The following ADAMTS19 variants were observed in gnomAD, a reference collection of about 807,000 sequenced individuals.
ADAMTS19 encodes the protein ADAM metallopeptidase with thrombospondin type 1 motif 19, also known as A disintegrin and metalloproteinase with thrombospondin motifs 19.
Under a neutral mutation model 153.3 loss-of-function variants are expected in ADAMTS19, and 93 were observed. That is an observed-to-expected ratio of 0.61 (90% CI 0.51 to 0.72). The LOEUF (loss-of-function observed/expected upper bound fraction) is 0.72. ADAMTS19 is among the 30% of genes least tolerant of loss of function. ADAMTS19 has a pLI of 0.00. For synonymous variants in ADAMTS19, 600 were observed against 556.6 expected, an observed-to-expected ratio of 1.08 and a Z score of -1.10; for missense variants, 1,482 against 1,552.1, an observed-to-expected ratio of 0.95 and a Z score of 0.76.
At chr5:129,460,769 G>A in intron 1 of ADAMTS19, 4 of 558,458 alleles carry the variant, frequency 7.2e-6, no homozygotes, top group Non-Finnish European at 9.5e-6. Context: ...TACCTAAGTT[G>A]ATAGCAACGC....
At position 129,578,101 on chromosome 5, in the gene ADAMTS19, T is replaced by TAC. The variant is rs1395616213; in HGVS notation, c.1373-18456_1373-18455dup. ...ACACATATATACATATACATACATA[T>TAC]ACATATGCATGTATATGTACGTATA... On this transcript the variant is annotated intron_variant, in intron 7 of 22. Coordinates refer to ENST00000274487, the MANE Select transcript of ADAMTS19 (RefSeq NM_133638.6). Among the ~76,000 whole-genome samples the TAC allele has an allele frequency of 1.2e-4, 16 of 133,590 alleles. 1 individual carries two copies. The highest frequency in any genetic ancestry group is 7.4e-4 in the Admixed American group (10 of 13,436). The allele number at this position is 133,590 out of a possible 152,430, so 87.6% of individuals were successfully genotyped here. A position where few individuals can be genotyped will look rare whatever the true frequency, so the allele number is the denominator to read the frequency against.
intron 7 of ADAMTS19, among the ~76,000 whole-genome samples, chr5:129,571,401 G>C (rs978168289): frequency 6.6e-6 from 1 of 151,610 alleles, no homozygotes; most frequent in Non-Finnish European, 1.5e-5. Context: ...GTGTTTCTGT[G>C]TGAGTATATG....
At chr5:129,513,597 T>C (rs1198253020) in intron 3 of ADAMTS19, among the ~76,000 whole-genome samples, 2 of 152,140 alleles carry the variant, frequency 1.3e-5, no homozygotes, top group African/African-American at 4.8e-5. Context: ...ATGTTTTCTA[T>C]AATCCTTTGA....
intron 7 of ADAMTS19, among the ~76,000 whole-genome samples, chr5:129,577,704 G>GT (rs1430223426): frequency 2.0e-5 from 3 of 152,092 alleles, no homozygotes; most frequent in Non-Finnish European, 4.4e-5. Context: ...TTGAATTAAT[G>GT]AACGATTACA....
chr5:129,701,163 C>T (rs966307346), intron 19 of ADAMTS19, among the ~76,000 whole-genome samples: 4 of 150,122 alleles, frequency 2.7e-5, no homozygotes, highest in African/African-American at 4.9e-5. Flanking sequence ...CCTGCACACA[C>T]CCTCTCTTGC....
chr5:129,645,645 A>C (rs1341160257), intron 11 of ADAMTS19, among the ~76,000 whole-genome samples: 1 of 152,122 alleles, frequency 6.6e-6, no homozygotes, highest in African/African-American at 2.4e-5. Flanking sequence ...AGAATATTTT[A>C]GTCTGTTATG....
chr5:129,680,631 G>A (rs1368353110), intron 17 of ADAMTS19, among the ~76,000 whole-genome samples: 3 of 151,962 alleles, frequency 2.0e-5, no homozygotes, highest in South Asian at 2.1e-4. Flanking sequence ...GCATGGTGAC[G>A]CATGCCTGTA....
chr5:129,659,687 C>A (rs1035461652), intron 15 of ADAMTS19, among the ~76,000 whole-genome samples: 2 of 152,002 alleles, frequency 1.3e-5, no homozygotes, highest in Non-Finnish European at 2.9e-5. Context: ...CTCAAACAAT[C>A]CCCCCAACTC....
chr5:129,556,810 C>G (rs1753330348), intron 7 of ADAMTS19, among the ~76,000 whole-genome samples: 1 of 152,060 alleles, frequency 6.6e-6, no homozygotes, highest in African/African-American at 2.4e-5. Context: ...CTAGAACATG[C>G]AAAAACAAGG....
rs114276011 is a variant in ADAMTS19 at position 129,466,662 on chromosome 5, G to A, written c.747+4905G>A. Among the ~76,000 whole-genome samples, 1,055 of 152,260 alleles carry A rather than the reference G, an allele frequency of 6.9e-3. 12 individuals are homozygous for A. The highest frequency in any genetic ancestry group is 0.024 in the African/African-American group (997 of 41,550). On this transcript the variant is annotated intron_variant, in intron 2 of 22. Coordinates refer to ENST00000274487, the MANE Select transcript of ADAMTS19 (RefSeq NM_133638.6). Reference sequence around the variant, plus strand: ...AATAATAAAATAGTTGTAAGCCATTGATTAATAGGTCTAGATCAAATATTT... The same window carrying A: ...AATAATAAAATAGTTGTAAGCCATTAATTAATAGGTCTAGATCAAATATTT...
intron 18 of ADAMTS19, among the ~76,000 whole-genome samples, chr5:129,690,541 T>TA (rs954007610): frequency 6.6e-6 from 1 of 152,050 alleles, no homozygotes; most frequent in Non-Finnish European, 1.5e-5. Flanking sequence ...TTCATTAAAA[T>TA]AAAAAAATGA....
At chr5:129,602,508 T>A (rs1269976150) in intron 8 of ADAMTS19, among the ~76,000 whole-genome samples, 1 of 152,238 alleles carries the variant, frequency 6.6e-6, no homozygotes, top group Non-Finnish European at 1.5e-5. Context: ...TGTATTCATA[T>A]CTAATTCAAC....
intron 6 of ADAMTS19, among the ~76,000 whole-genome samples, chr5:129,546,108 T>TCATC (rs1388801956): frequency 3.4e-5 from 5 of 148,386 alleles, no homozygotes; most frequent in Admixed American, 1.3e-4. Context: ...AAATTGGAAA[T>TCATC]CATCATTCTC....
chr5:129,634,055 T>C (rs550992654), intron 10 of ADAMTS19, among the ~76,000 whole-genome samples: 18 of 152,258 alleles, frequency 1.2e-4, no homozygotes, highest in African/African-American at 4.3e-4. Flanking sequence ...GTTTTTCCAG[T>C]TGGAACCTAA....
chr5:129,714,437 A>AAAAG (rs1357264656), intron 21 of ADAMTS19, among the ~76,000 whole-genome samples: 1 of 150,964 alleles, frequency 6.6e-6, no homozygotes, highest in Admixed American at 6.6e-5. Context: ...AAAAAAAAAA[A>AAAAG]AAAAAAGAAA....
chr5:129,542,645 G>T (rs1449835389), intron 6 of ADAMTS19, among the ~76,000 whole-genome samples: 4 of 152,092 alleles, frequency 2.6e-5, no homozygotes, highest in African/African-American at 9.7e-5. Context: ...TATAGTGATT[G>T]TGTTTTATGA....
At chr5:129,501,114 A>AT (rs1367423860) in intron 2 of ADAMTS19, among the ~76,000 whole-genome samples, 1 of 152,204 alleles carries the variant, frequency 6.6e-6, no homozygotes, top group Non-Finnish European at 1.5e-5. Context: ...ATTTAGAAGA[A>AT]TTTTTTAAAC....
At chr5:129,636,894 C>G (rs530032158) in intron 10 of ADAMTS19, among the ~76,000 whole-genome samples, 6 of 152,140 alleles carry the variant, frequency 3.9e-5, no homozygotes, top group Admixed American at 2.0e-4. Context: ...TCTTAAAGAA[C>G]ATCATTTAGA....
chr5:129,665,897 T>C (rs1754031800), intron 16 of ADAMTS19, among the ~76,000 whole-genome samples: 1 of 148,254 alleles, frequency 6.7e-6, no homozygotes. Flanking sequence ...TATATATATA[T>C]ATATATTTCA....
Sources: allele counts gnomAD v4.1 joint callset (sites outside exome capture counted in the v4.1 genomes callset), GRCh38; gene constraint gnomAD v4.1.1; transcripts MANE v1.5; gene names NCBI Gene and HGNC (gene_info 2026-07-23, HGNC 2026-07-21).